PAWR: variants seen among roughly 807,000 people sequenced by gnomAD.
PAWR encodes pro-apoptotic WT1 regulator.
Under a neutral mutation model 32.0 loss-of-function variants are expected in PAWR, and 23 were observed. That is an observed-to-expected ratio of 0.72 (90% CI 0.52 to 1.02). The LOEUF (loss-of-function observed/expected upper bound fraction) is 1.02. Among genes scored for constraint, PAWR ranks in the 50% least tolerant of loss-of-function variants. The pLI is 0.00. For synonymous variants in PAWR, 226 were observed against 187.1 expected (o/e 1.21, Z -1.70); for missense variants, 457 against 437.7 (o/e 1.04, Z -0.39).
At chr12:79,684,979 C>G (rs943996203) in intron 2 of PAWR, among the ~76,000 whole-genome samples, 3 of 152,204 alleles carry the variant, frequency 2.0e-5, no homozygotes, top group African/African-American at 7.2e-5. Context: ...TTCTCTTCCC[C>G]ATTTTCCCAT....
chr12:79,654,684 A>G (rs1192578175), intron 2 of PAWR, among the ~76,000 whole-genome samples: 1 of 152,224 alleles, frequency 6.6e-6, no homozygotes, highest in East Asian at 1.9e-4. Context: ...GAAACTTACA[A>G]TCATGGAGGA....
At chr12:79,619,117 T>C (rs543189960) in intron 3 of PAWR, among the ~76,000 whole-genome samples, 100 of 152,234 alleles carry the variant, frequency 6.6e-4, no homozygotes, top group African/African-American at 2.1e-3. Flanking sequence ...ACATAATTTA[T>C]AAACTTTAAG....
At chr12:79,668,417 T>C (rs1877716691) in intron 2 of PAWR, 1 of 152,172 alleles carries the variant, frequency 6.6e-6, no homozygotes, top group Admixed American at 6.5e-5. Context: ...CTCTAAAATA[T>C]TAGAAACAAA....
intron 2 of PAWR, among the ~76,000 whole-genome samples, chr12:79,673,398 T>A (rs893542190): frequency 2.0e-5 from 3 of 152,216 alleles, no homozygotes; most frequent in African/African-American, 7.2e-5. Context: ...TTCTAGTGTC[T>A]ACCAATACAA....
At chr12:79,641,760 T>C (rs575424209) in intron 2 of PAWR, among the ~76,000 whole-genome samples, 11 of 133,848 alleles carry the variant, frequency 8.2e-5, no homozygotes, top group African/African-American at 3.0e-4. Context: ...GGCAGGAGAA[T>C]CACGTGGACC....
intron 2 of PAWR, among the ~76,000 whole-genome samples, chr12:79,643,544 A>G (rs1876432731): frequency 2.0e-5 from 3 of 152,152 alleles, no homozygotes; most frequent in Admixed American, 6.5e-5. Context: ...GTCTACTAGC[A>G]GAGTTTTTGA....
chr12:79,632,361 A>ATATATATTTT (rs1566011212), intron 2 of PAWR, among the ~76,000 whole-genome samples: 3 of 20,596 alleles, frequency 1.5e-4, no homozygotes, highest in Non-Finnish European at 2.3e-4. Flanking sequence ...ATATATATAT[A>ATATATATTTT]TTTTTTTTTT....
intron 5 of PAWR, among the ~76,000 whole-genome samples, chr12:79,594,996 C>T (rs991835330): frequency 6.6e-6 from 1 of 152,148 alleles, no homozygotes; most frequent in African/African-American, 2.4e-5. Context: ...GGATTACAAG[C>T]GTGAGCCACT....
At chr12:79,661,899 A>C (rs530815840) in intron 2 of PAWR, among the ~76,000 whole-genome samples, 17 of 152,324 alleles carry the variant, frequency 1.1e-4, no homozygotes, top group Non-Finnish European at 2.2e-4. Flanking sequence ...AAAATGGAAA[A>C]GTAACAAAAA....
At position 79,601,567 on chromosome 12, in the gene PAWR, A is replaced by G. The variant is rs141137645; in HGVS notation, c.684-4909T>C. ...CTCCAAATATTATTCATAATTACAT[A>G]CCCATGTTGGTATCTATGTTTACTT... On this transcript the variant is annotated intron_variant, in intron 4 of 6. Coordinates refer to ENST00000328827, the MANE Select transcript of PAWR (RefSeq NM_002583.4). Among the ~76,000 whole-genome samples, 183 of 152,168 alleles carry G rather than the reference A, an allele frequency of 1.2e-3. 1 individual carries two copies. The highest frequency in any genetic ancestry group is 3.4e-3 in the Middle Eastern group (1 of 294).
intron 2 of PAWR, among the ~76,000 whole-genome samples, chr12:79,689,088 C>A (rs1369106552): frequency 6.6e-6 from 1 of 152,220 alleles, no homozygotes; most frequent in East Asian, 1.9e-4. Context: ...TCTTAGCGAA[C>A]AGAATTGTGG....
rs1193570788 is a variant in PAWR at position 79,591,886 on chromosome 12, T to C, written c.*721A>G. 2.6e-5 allele frequency: 4 copies of C among 152,486 alleles called. No individual in the cohort carries two copies. Among genetic ancestry groups the C allele is most frequent in the East Asian group, 1.9e-4 (1 of 5,200 alleles). 9.4% of individuals were successfully genotyped at this position (152,486 alleles called of 1,614,324 possible). A position where few individuals can be genotyped will look rare whatever the true frequency, so the allele number is the denominator to read the frequency against. ...CAAACCTTGGAACGATAAAAAAAGG[T>C]AGTACCTACATAAGAAATTTTACAT... is the stretch of plus-strand genomic sequence containing the variant. On this transcript the variant is annotated 3_prime_UTR_variant, in exon 7 of 7. Coordinates refer to ENST00000328827, the MANE Select transcript of PAWR (RefSeq NM_002583.4).
At chr12:79,684,002 G>A (rs1472366598) in intron 2 of PAWR, among the ~76,000 whole-genome samples, 1 of 151,896 alleles carries the variant, frequency 6.6e-6, no homozygotes, top group African/African-American at 2.4e-5. Context: ...TTACTGAAAG[G>A]AAAGCTAAAA....
At chr12:79,617,015 C>T (rs1489863133) in intron 3 of PAWR, among the ~76,000 whole-genome samples, 1 of 152,106 alleles carries the variant, frequency 6.6e-6, no homozygotes, top group African/African-American at 2.4e-5. Flanking sequence ...TGAATATGGT[C>T]TTTTATTAGA....
intron 2 of PAWR, among the ~76,000 whole-genome samples, chr12:79,659,620 G>T (rs955784266): frequency 7.9e-5 from 12 of 152,002 alleles, no homozygotes; most frequent in African/African-American, 2.9e-4. Context: ...TTACAACTAT[G>T]CACATTTCTA....
chr12:79,652,271 T>G (rs892459725), intron 2 of PAWR, among the ~76,000 whole-genome samples: 1 of 152,126 alleles, frequency 6.6e-6, no homozygotes, highest in Non-Finnish European at 1.5e-5. Context: ...TGTTACCACA[T>G]TAATAAAAAA....
rs766399216 is a variant in PAWR at position 79,690,088 on chromosome 12, G to A, written c.157C>T (p.Pro53Ser). Reference sequence around the variant, plus strand: ...GGGGTGCCCAGAGCCCCCGCGGGGGGCTTCCCAGCGGCGTCGCTGCTGCCC... The same window carrying A: ...GGGGTGCCCAGAGCCCCCGCGGGGGACTTCCCAGCGGCGTCGCTGCTGCCC... ...GGGSSDAAGK[P>S]PAGALGTPAA... The change falls in exon 2 of 7, where the codon CCC becomes TCC. Residue 53 changes from proline to serine, a missense_variant. Transcript: ENST00000328827. The A allele has an allele frequency of 2.8e-6, 4 of 1,440,084 alleles. No homozygotes were observed. Among genetic ancestry groups the A allele is most frequent in the South Asian group, 2.8e-5 (2 of 72,262 alleles). 89.2% of individuals were successfully genotyped at this position (1,440,084 alleles called of 1,614,324 possible).
intron 2 of PAWR, among the ~76,000 whole-genome samples, chr12:79,652,525 T>C (rs1020006926): frequency 6.6e-6 from 1 of 152,212 alleles, no homozygotes; most frequent in Non-Finnish European, 1.5e-5. Flanking sequence ...CTGAAGGGAA[T>C]GTGTCTTTTT....
intron 4 of PAWR, among the ~76,000 whole-genome samples, chr12:79,609,464 G>C (rs991175561): frequency 1.3e-5 from 2 of 152,064 alleles, no homozygotes; most frequent in African/African-American, 4.8e-5. Context: ...GTGAGAACAT[G>C]CATCCCTGTT....
Sources: allele counts gnomAD v4.1 joint callset (sites outside exome capture counted in the v4.1 genomes callset), GRCh38; gene constraint gnomAD v4.1.1; transcripts MANE v1.5; gene names NCBI Gene and HGNC (gene_info 2026-07-23, HGNC 2026-07-21).